Variants in WWOX observed in about 807,000 individuals in gnomAD.
WWOX encodes the protein WW domain containing oxidoreductase.
In WWOX, 69 loss-of-function variants were observed where a neutral mutation model predicts 46.2. The ratio of observed to expected loss-of-function variants is 1.49; its 90% CI spans 1.23 to 1.82. The LOEUF (loss-of-function observed/expected upper bound fraction) is 1.82. Among genes scored for constraint, WWOX ranks in the 40% most tolerant of loss-of-function variants. WWOX has a pLI of 0.00. For synonymous variants in WWOX, 359 were observed against 202.6 expected, an observed-to-expected ratio of 1.77 and a Z score of -6.56; for missense variants, 919 against 542.6, an observed-to-expected ratio of 1.69 and a Z score of -6.89.
intron 5 of WWOX, among the ~76,000 whole-genome samples, chr16:78,208,582 G>C (rs554538846): frequency 1.3e-5 from 2 of 152,290 alleles, no homozygotes; most frequent in South Asian, 4.1e-4. Flanking sequence ...AGGCATAAAT[G>C]CATGCGTTCA....
At chr16:78,919,452 C>T (rs1399971280) in intron 8 of WWOX, among the ~76,000 whole-genome samples, 1 of 151,842 alleles carries the variant, frequency 6.6e-6, no homozygotes, top group Non-Finnish European at 1.5e-5. Flanking sequence ...AGAATGCCAT[C>T]ACTACCTTCT....
intron 5 of WWOX, among the ~76,000 whole-genome samples, chr16:78,378,477 C>T (rs1249374325): frequency 1.3e-5 from 2 of 152,124 alleles, no homozygotes; most frequent in South Asian, 2.1e-4. Flanking sequence ...CACCCATTGC[C>T]ACCGTTACCA....
At chr16:78,196,045 T>TCC (rs1487929513) in intron 5 of WWOX, among the ~76,000 whole-genome samples, 1 of 152,160 alleles carries the variant, frequency 6.6e-6, no homozygotes, top group East Asian at 1.9e-4. Flanking sequence ...CTTTGCCTTA[T>TCC]CTCGATGATG....
At chr16:78,861,094 A>G (rs899857037) in intron 8 of WWOX, among the ~76,000 whole-genome samples, 3 of 152,204 alleles carry the variant, frequency 2.0e-5, no homozygotes, top group Admixed American at 6.5e-5. Flanking sequence ...TGTTGGGATT[A>G]TAGGTGTGAG....
chr16:78,628,288 G>C (rs2046354095), intron 8 of WWOX, among the ~76,000 whole-genome samples: 1 of 152,140 alleles, frequency 6.6e-6, no homozygotes, highest in Admixed American at 6.5e-5. Flanking sequence ...GTTTCCTGAA[G>C]TTTCCCTTTC....
chr16:78,877,309 G>A (rs2044254246), intron 8 of WWOX, among the ~76,000 whole-genome samples: 1 of 148,368 alleles, frequency 6.7e-6, no homozygotes, highest in Admixed American at 6.7e-5. Flanking sequence ...CCTCCCCCCT[G>A]TGAGCTTTTT....
At chr16:78,636,334 G>C (rs888077585) in intron 8 of WWOX, among the ~76,000 whole-genome samples, 1 of 152,088 alleles carries the variant, frequency 6.6e-6, no homozygotes, top group Admixed American at 6.6e-5. Flanking sequence ...CCCCACCTTT[G>C]AATAAACCAA....
chr16:78,638,422 C>T lies in WWOX; in HGVS notation c.1056+205670C>T, dbSNP rs78664161. The stretch of plus-strand genomic sequence containing the variant: ...CTTTCCAACCGCTACCACCTTCCAC[C>T]ACCATTTTTTTTTTGTTTCCTCTGC... On this transcript the variant is annotated intron_variant, in intron 8 of 8. Coordinates refer to ENST00000566780, the MANE Select transcript of WWOX (RefSeq NM_016373.4). Among the ~76,000 whole-genome samples, 268 of 152,244 alleles carry T rather than the reference C, an allele frequency of 1.8e-3. 2 individuals carry two copies. The East Asian group carries it at 0.041, about 23-fold the overall frequency.
chr16:78,636,112 G>T (rs986926941), intron 8 of WWOX, among the ~76,000 whole-genome samples: 1 of 152,134 alleles, frequency 6.6e-6, no homozygotes, highest in African/African-American at 2.4e-5. Context: ...CCTTTGACAG[G>T]CTCTTGCTAT....
intron 8 of WWOX, among the ~76,000 whole-genome samples, chr16:78,801,522 C>A (rs910938439): frequency 2.0e-5 from 3 of 152,128 alleles, no homozygotes; most frequent in Admixed American, 6.5e-5. Context: ...AATAAAGAAA[C>A]CCTTGCTATT....
chr16:78,274,415 C>G (rs2079540067), intron 5 of WWOX, among the ~76,000 whole-genome samples: 2 of 152,186 alleles, frequency 1.3e-5, no homozygotes, highest in African/African-American at 4.8e-5. Context: ...TTTCTAAACT[C>G]TTCAGGTTAG....
intron 8 of WWOX, among the ~76,000 whole-genome samples, chr16:79,021,524 C>T (rs894902276): frequency 6.6e-6 from 1 of 152,112 alleles, no homozygotes; most frequent in Admixed American, 6.5e-5. Flanking sequence ...CTTCTTAACC[C>T]ATTAAAGAAC....
In WWOX at chr16:79,074,409, C is replaced by CTTTTTTTTTTTTTTTTT. The variant is rs60074156; in HGVS notation, c.1057-137182_1057-137166dup. On this transcript the variant is annotated intron_variant, in intron 8 of 8. Coordinates refer to ENST00000566780, the MANE Select transcript of WWOX (RefSeq NM_016373.4). ...CATCCTGACTGAAATGTCACTAGTC[C>CTTTTTTTTTTTTTTTTT]TTTTTTTTTTTTTTTTTTTTTTTTT... Among the ~76,000 whole-genome samples the CTTTTTTTTTTTTTTTTT allele has an allele frequency of 1.6e-3, 50 of 30,992 alleles. 2 individuals are homozygous for CTTTTTTTTTTTTTTTTT. Among genetic ancestry groups the CTTTTTTTTTTTTTTTTT allele is most frequent in the Non-Finnish European group, 2.0e-3 (36 of 18,142 alleles). 20.3% of individuals were successfully genotyped at this position (30,992 alleles called of 152,430 possible). A position where few individuals can be genotyped will look rare whatever the true frequency, so the allele number is the denominator to read the frequency against.
At chr16:78,778,204 G>C (rs569667563) in intron 8 of WWOX, among the ~76,000 whole-genome samples, 3 of 152,162 alleles carry the variant, frequency 2.0e-5, no homozygotes, top group Admixed American at 2.0e-4. Flanking sequence ...TGATTTCCTA[G>C]CCATACCAGG....
intron 8 of WWOX, among the ~76,000 whole-genome samples, chr16:79,090,897 A>G (rs536957657): frequency 6.6e-6 from 1 of 152,258 alleles, no homozygotes; most frequent in African/African-American, 2.4e-5. Context: ...GGGTTCAAAC[A>G]ATTGTCCTGC....
Position 78,349,521 on chromosome 16 carries a change from A to AG in WWOX, c.517-37337dup, listed in dbSNP as rs1161195417. On this transcript the variant is annotated intron_variant, in intron 5 of 8. Coordinates refer to ENST00000566780, the MANE Select transcript of WWOX (RefSeq NM_016373.4). ...CCACCCTTTAGAAGAAGCCAGGAGG[A>AG]GGTCCTAGTCAGCTGATGTGAGATT... Among the ~76,000 whole-genome samples, 6 of 120,456 alleles carry AG rather than the reference A, an allele frequency of 5.0e-5. 2 individuals are homozygous for AG. The highest frequency in any genetic ancestry group is 4.9e-4 in the Admixed American group (6 of 12,328). 79.0% of individuals were successfully genotyped at this position (120,456 alleles called of 152,430 possible).
intron 8 of WWOX, among the ~76,000 whole-genome samples, chr16:78,892,709 A>G (rs188246009): frequency 1.1e-4 from 16 of 152,344 alleles, no homozygotes; most frequent in African/African-American, 3.8e-4. Flanking sequence ...TGGGCAGGTG[A>G]TTGTGATACT....
At chr16:78,273,810 G>T (rs965289767) in intron 5 of WWOX, among the ~76,000 whole-genome samples, 2 of 152,232 alleles carry the variant, frequency 1.3e-5, no homozygotes, top group African/African-American at 4.8e-5. Context: ...CTTGGACAGT[G>T]TATTGTGTAG....
At chr16:78,398,084 A>G (rs1222233702) in intron 6 of WWOX, among the ~76,000 whole-genome samples, 1 of 152,190 alleles carries the variant, frequency 6.6e-6, no homozygotes, top group Non-Finnish European at 1.5e-5. Context: ...ATTGATGCTT[A>G]TCAAGTAGAC....
Sources: allele counts gnomAD v4.1 joint callset (sites outside exome capture counted in the v4.1 genomes callset), GRCh38; gene constraint gnomAD v4.1.1; transcripts MANE v1.5; gene names NCBI Gene and HGNC (gene_info 2026-07-23, HGNC 2026-07-21).